DHCR7: variants seen among roughly 807,000 people sequenced by gnomAD.
DHCR7 encodes 7-DHC reductase.
DHCR7 carries 40 observed loss-of-function variants against 43.3 expected under a neutral mutation model. That is an observed-to-expected ratio of 0.92 (90% CI 0.72 to 1.20). The LOEUF (loss-of-function observed/expected upper bound fraction) is 1.20, where lower values mean the gene tolerates loss of function less well. DHCR7 is among the 50% of genes most tolerant of loss of function. The probability of loss-of-function intolerance (pLI) is 0.00; values close to 1 mark genes in which losing one functional copy is unlikely to be tolerated. For missense variants in DHCR7, 608 were observed against 644.6 expected, an observed-to-expected ratio of 0.94 and a Z score of 0.62; for synonymous variants, 298 against 271.4, an observed-to-expected ratio of 1.10 and a Z score of -0.96.
downstream of DHCR7, among the ~76,000 whole-genome samples, chr11:71,431,215 A>C (rs766997372): frequency 7.2e-5 from 11 of 152,242 alleles, no homozygotes; most frequent in Non-Finnish European, 1.5e-4. Flanking sequence ...ACAACAGTGT[A>C]GGAAACCAAT....
At chr11:71,439,676 G>T (rs1259954155) in intron 6 of DHCR7, among the ~76,000 whole-genome samples, 1 of 152,232 alleles carries the variant, frequency 6.6e-6, no homozygotes, top group Non-Finnish European at 1.5e-5. Flanking sequence ...GATAACCCCT[G>T]TGGAGACCCT....
Position 71,436,237 on chromosome 11 carries a change from T to C in DHCR7, c.964-398A>G, listed in dbSNP as rs79599760. 3.3e-3 allele frequency among the ~76,000 whole-genome samples: 502 copies of C among 152,354 alleles called. 5 individuals are homozygous for C. The highest frequency in any genetic ancestry group is 0.012 in the African/African-American group (487 of 41,576). Reference sequence around the variant, plus strand: ...ACTAGTTGTAAAGGCATTTTTCAGATGAGGTTCATATGTTAATCAGTCAAC... The same window carrying C: ...ACTAGTTGTAAAGGCATTTTTCAGACGAGGTTCATATGTTAATCAGTCAAC... On this transcript the variant is annotated intron_variant, in intron 8 of 8. Coordinates refer to ENST00000355527, the MANE Select transcript of DHCR7 (RefSeq NM_001360.3).
At position 71,445,164 on chromosome 11, in the gene DHCR7, C is replaced by T. The variant is rs879177800; in HGVS notation, c.-6-206G>A. ...CCTTGGACCCTGCAATCACCTCCCA[C>T]GTGACCTTGCTATGGCTGCTCTTGC... On this transcript the variant is annotated intron_variant, in intron 2 of 8. Coordinates refer to ENST00000355527, the MANE Select transcript of DHCR7 (RefSeq NM_001360.3). 3.9e-5 allele frequency among the ~76,000 whole-genome samples: 6 copies of T among 152,216 alleles called. No homozygotes were observed. In the South Asian group the frequency reaches 6.2e-4, roughly 16 times the overall value.
chr11:71,441,107 T>A (rs1949342835), intron 6 of DHCR7, 120 bp downstream of exon 6: 4 of 926,630 alleles, frequency 4.3e-6, no homozygotes, highest in Non-Finnish European at 5.2e-6. Flanking sequence ...ATCCCCCTCC[T>A]CCTCTTCCAC....
chr11:71,445,033 G>T, intron 2 of DHCR7, 75 bp from the exon 3 acceptor site: 2 of 1,318,492 alleles, frequency 1.5e-6, no homozygotes, highest in Non-Finnish European at 2.2e-6. Flanking sequence ...ATCCACCACT[G>T]CTCCTGGGCC....
rs757519627 is a variant in DHCR7 at position 71,441,295 on chromosome 11, G to C, written c.558C>G (p.Ile186Met). The change falls in exon 6 of 9, where the codon ATC becomes ATG. Residue 186 changes from isoleucine (I) to methionine (M), a missense_variant. Physicochemically the swap from Ile to Met is conservative, Grantham distance 10. Transcript: ENST00000355527. ...CGAAGGTGGAGACGGCATAGCCAAG[G>C]ATGTTGGCGCACCACAGCAGTGGGA... ...NWIPLLWCAN[I>M]LGYAVSTFAM... is the part of the protein sequence containing the mutation. 1 of 1,614,122 alleles carries C rather than the reference G, an allele frequency of 6.2e-7. No individual in the cohort carries two copies. Among genetic ancestry groups the C allele is most frequent in the African/African-American group, 1.3e-5 (1 of 74,942 alleles).
At chr11:71,447,374 AG>A (rs1949416214) in intron 2 of DHCR7, among the ~76,000 whole-genome samples, 1 of 152,260 alleles carries the variant, frequency 6.6e-6, no homozygotes, top group South Asian at 2.1e-4. Flanking sequence ...TCATTCACCC[AG>A]GAGTCAGCTC....
intron 5 of DHCR7, 57 bp from the exon 6 acceptor site, chr11:71,441,497 G>A: frequency 7.0e-7 from 1 of 1,429,914 alleles, no homozygotes; most frequent in Admixed American, 1.9e-5. Flanking sequence ...TGAGGAGCTT[G>A]GCTGGGCTGA....
At chr11:71,443,657 C>G (rs1949371519) in intron 4 of DHCR7, among the ~76,000 whole-genome samples, 1 of 152,180 alleles carries the variant, frequency 6.6e-6, no homozygotes, top group African/African-American at 2.4e-5. Context: ...CAAGGCGTGA[C>G]TCCTGCTGAC....
In DHCR7 at chr11:71,442,290, T is replaced by C. The variant is rs138215017; in HGVS notation, c.385A>G (p.Ile129Val). 4 of 1,613,614 alleles carry C rather than the reference T, an allele frequency of 2.5e-6. No homozygotes were observed. In the South Asian group the frequency reaches 3.3e-5, roughly 13 times the overall value. The change falls in exon 5 of 9, where the codon ATC (isoleucine) becomes GTC (valine). Residue 129 changes from isoleucine to valine, a missense_variant. By Grantham distance (29) the Ile-to-Val change is conservative. Coordinates refer to ENST00000355527, the MANE Select transcript of DHCR7 (RefSeq NM_001360.3). ...GCAGGAGTCACGGCCCCCTCCTGGA[T>C]GCCTCCTACGTAGCCGGGTAGAAAC... ...HKFLPGYVGGIQEGAVTPAGV... is the reference protein window; with the variant it reads ...HKFLPGYVGGVQEGAVTPAGV...
At chr11:71,448,211 G>T (rs911019789) in intron 1 of DHCR7, 79 bp downstream of exon 1, 1 of 153,980 alleles carries the variant, frequency 6.5e-6, no homozygotes, top group African/African-American at 2.4e-5. Context: ...CTGTGAGTGG[G>T]CACCTGCTCA....
Position 71,434,814 on chromosome 11 carries a change from A to G in DHCR7, c.*561T>C, listed in dbSNP as rs1353286792. On this transcript the variant is annotated 3_prime_UTR_variant, in exon 9 of 9. Coordinates refer to ENST00000355527, the MANE Select transcript of DHCR7 (RefSeq NM_001360.3). ...GCAGCAGGAGCAGGAAGGAAACGACATGAAAGCCCCTTTCTCCCCAGTGTC... is the reference window on the plus strand; with the variant it reads ...GCAGCAGGAGCAGGAAGGAAACGACGTGAAAGCCCCTTTCTCCCCAGTGTC... The G allele has an allele frequency of 5.7e-5, 18 of 315,926 alleles. No homozygotes were observed. The Admixed American group carries it at 7.1e-4, about 12-fold the overall frequency. 19.6% of individuals were successfully genotyped at this position (315,926 alleles called of 1,614,324 possible).
Position 71,435,684 on chromosome 11 carries a change from C to T in DHCR7, c.1119G>A (p.Arg373=), listed in dbSNP as rs1271613914. 1.2e-6 allele frequency: 2 copies of T among 1,613,102 alleles called. No individual in the cohort carries two copies. The change falls in exon 9 of 9, where the codon AGG becomes AGA. Residue 373 remains arginine, a synonymous_variant. Transcript: ENST00000355527. ...RTDGRCLIWG[R]KPKVIECSYT... The stretch of plus-strand genomic sequence containing the variant: ...AGGAGCACTCGATGACCTTGGGCTT[C>T]CTGCCCCAGATGAGGCAGCGCCCAT...
chr11:71,443,113 T>G (rs1291611752), intron 4 of DHCR7, among the ~76,000 whole-genome samples: 1 of 152,246 alleles, frequency 6.6e-6, no homozygotes, highest in African/African-American at 2.4e-5. Context: ...ATCCGCCTAC[T>G]GGCATCAGAG....
At position 71,441,296 on chromosome 11, in the gene DHCR7, A is replaced by G; in HGVS notation, c.557T>C (p.Ile186Thr). Reference protein sequence around the residue: ...NWIPLLWCANILGYAVSTFAM... With the variant: ...NWIPLLWCANTLGYAVSTFAM... ...GAAGGTGGAGACGGCATAGCCAAGG[A>G]TGTTGGCGCACCACAGCAGTGGGAT... Residue 186 changes from isoleucine to threonine, a missense_variant, in exon 6 of 9, where the codon ATC becomes ACC. Transcript: ENST00000355527. 6.2e-7 allele frequency: 1 copy of G among 1,614,192 alleles called. No individual in the cohort carries two copies. The highest frequency in any genetic ancestry group is 8.5e-7 in the Non-Finnish European group (1 of 1,180,036).
At chr11:71,441,852 G>A (rs751700705) in intron 5 of DHCR7, among the ~76,000 whole-genome samples, 4 of 152,150 alleles carry the variant, frequency 2.6e-5, no homozygotes, top group Non-Finnish European at 5.9e-5. Context: ...GTTGGGATGC[G>A]GTTCCAGTCT....
chr11:71,442,817 C>T (rs1370305249), intron 4 of DHCR7, among the ~76,000 whole-genome samples: 3 of 152,138 alleles, frequency 2.0e-5, no homozygotes, highest in East Asian at 1.9e-4. Flanking sequence ...CCACCACACC[C>T]GGCTAAAATT....
downstream of DHCR7, among the ~76,000 whole-genome samples, chr11:71,427,709 G>A (rs1208823367): frequency 2.0e-5 from 3 of 152,164 alleles, no homozygotes; most frequent in South Asian, 4.1e-4. Flanking sequence ...GAGTCTGGGG[G>A]AGACCAGGCA....
chr11:71,435,998 A>G, intron 8 of DHCR7, 159 bp from the exon 9 acceptor site: 2 of 669,008 alleles, frequency 3.0e-6, no homozygotes, highest in Non-Finnish European at 5.4e-6. Context: ...ACCAACCTTG[A>G]GGGCTGTTGT....
Sources: gnomAD v4.1 joint callset for allele counts (sites outside exome capture counted in the v4.1 genomes callset) on GRCh38, gnomAD v4.1.1 for gene constraint, MANE v1.5 for transcripts, NCBI Gene and HGNC (gene_info 2026-07-23, HGNC 2026-07-21) for gene names.